Variants in PAX9 observed in about 807,000 individuals in gnomAD.
PAX9 encodes paired box 9.
In PAX9, 6 loss-of-function variants were observed where a neutral mutation model predicts 29.1. The ratio of observed to expected loss-of-function variants is 0.21; its 90% CI spans 0.11 to 0.41. PAX9 has a LOEUF of 0.41. Ranked by LOEUF, PAX9 falls within the 10% of genes least tolerant of loss-of-function variation. The pLI is 1.00. For missense variants in PAX9, 443 were observed against 479.1 expected (o/e 0.92, Z 0.70); for synonymous variants, 217 against 211.7 (o/e 1.03, Z -0.22).
chr14:36,663,400 G>A lies in PAX9; in HGVS notation c.508G>A (p.Ala170Thr). The part of the protein sequence containing the change: ...YSYPSPITAA[A>T]AKVPTPPGVP... Reference sequence around the variant, plus strand: ...GTACCCCAGCCCTATCACGGCGGCGGCCGCCAAGGTGCCCACGCCACCCGG... The same window carrying A: ...GTACCCCAGCCCTATCACGGCGGCGACCGCCAAGGTGCCCACGCCACCCGG... The change falls in exon 2 of 4, where the codon GCC becomes ACC. Residue 170 changes from alanine (A) to threonine (T), a missense_variant. By Grantham distance (58) the Ala-to-Thr change is moderately conservative. Transcript: ENST00000361487. 1 of 1,613,268 alleles carries A rather than the reference G, an allele frequency of 6.2e-7. No individual in the cohort carries two copies. Among genetic ancestry groups the A allele is most frequent in the Non-Finnish European group, 8.5e-7 (1 of 1,179,844 alleles).
rs1881495659 is a variant in PAX9, at chr14:36,666,502, G to A, written c.672G>A (p.Glu224=). Residue 224 remains glutamate, a synonymous_variant, in exon 3 of 4, where the codon GAG becomes GAA. Transcript: ENST00000361487. ...CCTACCACAGCCCCAAGGTGGAGGA[G>A]TGGAGCAGCCTGGGCCGCAACAACT... ...SSPYHSPKVE[E]WSSLGRNNFP... 1.2e-6 allele frequency: 2 copies of A among 1,609,332 alleles called. No homozygotes were observed. The highest frequency in any genetic ancestry group is 1.7e-6 in the Non-Finnish European group (2 of 1,178,192).
At chr14:36,661,234 G>C (rs1042301399), upstream of PAX9, among the ~76,000 whole-genome samples, 1 of 152,236 alleles carries the variant, frequency 6.6e-6, no homozygotes, top group African/African-American at 2.4e-5. Flanking sequence ...CACCTGGACT[G>C]GGGGGTCGCC....
At chr14:36,663,650 G>C in intron 2 of PAX9, 127 bp downstream of exon 2, 4 of 1,225,902 alleles carry the variant, frequency 3.3e-6, no homozygotes, top group South Asian at 1.3e-5. Context: ...CTTTGGAAAC[G>C]TAAGGAGTCT....
At chr14:36,657,807 C>G (rs1416610550), upstream of PAX9, 1 of 152,248 alleles carries the variant, frequency 6.6e-6, no homozygotes, top group Admixed American at 6.5e-5. Context: ...GGCTATTCTC[C>G]GAGCATCTTC....
Position 36,663,330 on chromosome 14 carries a change from C to T in PAX9, c.438C>T (p.His146=). Residue 146 remains histidine, a synonymous_variant, in exon 2 of 4, where the codon CAC becomes CAT. Coordinates refer to ENST00000361487, the MANE Select transcript of PAX9 (RefSeq NM_001372076.1). ...QQGHYDSYKQ[H]QPTPQPALPY... ...GTCATTACGACTCATACAAGCAGCA[C>T]CAGCCGACGCCGCAGCCAGCGCTGC... 2 of 1,614,162 alleles carry T rather than the reference C, an allele frequency of 1.2e-6. No homozygotes were observed. Among genetic ancestry groups the T allele is most frequent in the Non-Finnish European group, 8.5e-7 (1 of 1,180,046 alleles).
At chr14:36,657,622 G>A (rs1881073336), upstream of PAX9, 1 of 152,180 alleles carries the variant, frequency 6.6e-6, no homozygotes, top group South Asian at 2.1e-4. Context: ...CAGCCCGTGG[G>A]GCTGATCCCA....
chr14:36,669,965 T>C (rs1881644628), intron 3 of PAX9, among the ~76,000 whole-genome samples: 1 of 152,066 alleles, frequency 6.6e-6, no homozygotes. Context: ...TGCTTCCTGA[T>C]GGCCGGTTCT....
intron 3 of PAX9, among the ~76,000 whole-genome samples, chr14:36,668,799 A>C (rs558886238): frequency 6.6e-6 from 1 of 152,322 alleles, no homozygotes; most frequent in East Asian, 1.9e-4. Flanking sequence ...TAAAATAAAA[A>C]ATTTGAAGTT....
Position 36,663,222 on chromosome 14 carries a change from C to T in PAX9, c.330C>T (p.Gly110=). 2 of 1,614,040 alleles carry T rather than the reference C, an allele frequency of 1.2e-6. No individual in the cohort carries two copies. The highest frequency in any genetic ancestry group is 2.2e-5 in the East Asian group (1 of 44,840). The change falls in exon 2 of 4, where the codon GGC becomes GGT. Residue 110 remains glycine, a synonymous_variant. Coordinates refer to ENST00000361487, the MANE Select transcript of PAX9 (RefSeq NM_001372076.1). ...TCCGGGACCGCCTGCTGGCGGACGG[C>T]GTGTGCGACAAGTACAATGTGCCCT... The part of the protein sequence containing the change: ...WEIRDRLLAD[G]VCDKYNVPSV...
At chr14:36,662,143 C>T (rs1281704880) in intron 1 of PAX9, 50 bp downstream of exon 1, 8 of 410,438 alleles carry the variant, frequency 1.9e-5, no homozygotes, top group South Asian at 3.9e-5. Flanking sequence ...AGGGAGGGAG[C>T]GAGCGGGCAA....
At chr14:36,668,318 C>T (rs17104914) in intron 3 of PAX9, among the ~76,000 whole-genome samples, 9,821 of 152,196 alleles carry the variant, frequency 0.065, 515 homozygotes, top group African/African-American at 0.15. Flanking sequence ...GTTTCTAATT[C>T]CCACATGTCA....
At chr14:36,674,113 T>C (rs1881795728) in intron 3 of PAX9, among the ~76,000 whole-genome samples, 2 of 152,342 alleles carry the variant, frequency 1.3e-5, no homozygotes, top group Middle Eastern at 6.8e-3. Context: ...CCCCTGTAAT[T>C]TGATAGTTCT....
chr14:36,663,111 C>A lies in PAX9; in HGVS notation c.219C>A (p.Gly73=). The change falls in exon 2 of 4, where the codon GGC becomes GGA. Residue 73 remains glycine, a synonymous_variant. Coordinates refer to ENST00000361487, the MANE Select transcript of PAX9 (RefSeq NM_001372076.1). ...CGATCTTGCCAGGAGCCATCGGGGG[C>A]AGCAAGCCCCGGGTCACTACCCCCA... The part of the protein sequence containing the change: ...TGSILPGAIG[G]SKPRVTTPTV... The A allele has an allele frequency of 6.2e-7, 1 of 1,613,986 alleles. No individual in the cohort carries two copies.
Position 36,663,350 on chromosome 14 carries a change from C to A in PAX9, c.458C>A (p.Ala153Glu), listed in dbSNP as rs773508045. The change falls in exon 2 of 4, where the codon GCG (alanine) becomes GAG (glutamate). Residue 153 changes from alanine (A) to glutamate (E), a missense_variant. Coordinates refer to ENST00000361487, the MANE Select transcript of PAX9 (RefSeq NM_001372076.1). The stretch of plus-strand genomic sequence containing the variant: ...CAGCACCAGCCGACGCCGCAGCCAG[C>A]GCTGCCCTACAACCACATCTACTCG... Reference protein sequence around the residue: ...YKQHQPTPQPALPYNHIYSYP... With the variant: ...YKQHQPTPQPELPYNHIYSYP... 134 of 1,613,994 alleles carry A rather than the reference C, an allele frequency of 8.3e-5. 1 individual carries two copies. Among genetic ancestry groups the A allele is most frequent in the Middle Eastern group, 6.6e-4 (4 of 6,084 alleles).
intron 2 of PAX9, 122 bp from the exon 3 acceptor site, chr14:36,666,340 A>G: frequency 7.4e-7 from 1 of 1,351,514 alleles, no homozygotes; most frequent in Non-Finnish European, 9.9e-7. Flanking sequence ...CGGGAGGCCA[A>G]GGGCAGGGAG....
At position 36,662,088 on chromosome 14, in the gene PAX9, C is replaced by A; in HGVS notation, c.-2C>A. The A allele has an allele frequency of 7.3e-7, 1 of 1,375,448 alleles. No homozygotes were observed. The highest frequency in any genetic ancestry group is 9.6e-7 in the Non-Finnish European group (1 of 1,040,202). The allele number at this position is 1,375,448 out of a possible 1,614,324, so 85.2% of individuals were successfully genotyped here. On this transcript the variant is annotated 5_prime_UTR_variant, in exon 1 of 4. Transcript: ENST00000361487. ...GGCCGGGTTGGTGTACTGCTCGGAG[C>A]AATGGGTGAGTGGCGGCGGGGGACT...
chr14:36,668,225 A>C (rs2139114717), intron 3 of PAX9, among the ~76,000 whole-genome samples: 1 of 152,290 alleles, frequency 6.6e-6, no homozygotes, highest in Non-Finnish European at 1.5e-5. Context: ...CCTACCATAG[A>C]AGCAAGCATT....
Position 36,662,066 on chromosome 14 carries a change from C to T in PAX9, c.-24C>T, listed in dbSNP as rs1037718058. ...CTGTCTGGGAGTGCGGAACTGGGGC[C>T]GGGTTGGTGTACTGCTCGGAGCAAT... is the stretch of plus-strand genomic sequence containing the variant. On this transcript the variant is annotated 5_prime_UTR_variant, in exon 1 of 4. Coordinates refer to ENST00000361487, the MANE Select transcript of PAX9 (RefSeq NM_001372076.1). 2 of 1,353,846 alleles carry T rather than the reference C, an allele frequency of 1.5e-6. No individual in the cohort carries two copies. Among genetic ancestry groups the T allele is most frequent in the African/African-American group, 1.5e-5 (1 of 65,026 alleles). 83.9% of individuals were successfully genotyped at this position (1,353,846 alleles called of 1,614,324 possible). A position where few individuals can be genotyped will look rare whatever the true frequency, so the allele number is the denominator to read the frequency against.
chr14:36,664,568 G>GTTTTTTTTT (rs34440866), intron 2 of PAX9, among the ~76,000 whole-genome samples: 1 of 141,990 alleles, frequency 7.0e-6, no homozygotes, highest in African/African-American at 2.6e-5. Flanking sequence ...CTTTTACTGA[G>GTTTTTTTTT]TTTTTTTTTT....
Sources: allele counts gnomAD v4.1 joint callset (sites outside exome capture counted in the v4.1 genomes callset), GRCh38; gene constraint gnomAD v4.1.1; transcripts MANE v1.5; gene names NCBI Gene and HGNC (gene_info 2026-07-23, HGNC 2026-07-21).